Variants in LURAP1 observed in about 807,000 individuals in gnomAD.
LURAP1 encodes the protein NF-kappa-B activator C1orf190.
Under a neutral mutation model 19.0 loss-of-function variants are expected in LURAP1, and 14 were observed. The observed-to-expected ratio is 0.74, with a 90% CI of 0.49 to 1.15. The LOEUF (loss-of-function observed/expected upper bound fraction) is 1.15. Among genes scored for constraint, LURAP1 ranks in the 50% most tolerant of loss-of-function variants. The pLI is 0.00. For synonymous variants in LURAP1, 129 were observed against 131.8 expected (o/e 0.98, Z 0.14); for missense variants, 273 against 309.1 (o/e 0.88, Z 0.87).
At chr1:46,209,537 CTTTTTTT>C (rs55948355) in intron 1 of LURAP1, among the ~76,000 whole-genome samples, 1 of 139,822 alleles carries the variant, frequency 7.2e-6, no homozygotes, top group Non-Finnish European at 1.5e-5. Context: ...TTGTTGTTTT[CTTTTTTT>C]TTTTCTTTTT....
chr1:46,214,867 C>CAAAAAAAAAAAA (rs5773905), intron 1 of LURAP1, among the ~76,000 whole-genome samples: 1 of 89,546 alleles, frequency 1.1e-5, no homozygotes, highest in Non-Finnish European at 2.0e-5. Context: ...GACTCCATCT[C>CAAAAAAAAAAAA]AAAAAAAAAA....
At chr1:46,210,865 C>T (rs1658873107) in intron 1 of LURAP1, among the ~76,000 whole-genome samples, 1 of 151,964 alleles carries the variant, frequency 6.6e-6, no homozygotes, top group Non-Finnish European at 1.5e-5. Flanking sequence ...GCCTGTACTT[C>T]TCTGGCTCAA....
intron 1 of LURAP1, among the ~76,000 whole-genome samples, chr1:46,205,223 A>G (rs1219106967): frequency 6.6e-6 from 1 of 151,978 alleles, no homozygotes; most frequent in Non-Finnish European, 1.5e-5. Flanking sequence ...GCACCACTGC[A>G]CTCCAGCCTG....
At position 46,203,447 on chromosome 1, in the gene LURAP1, C is replaced by T. The variant is rs1270661872; in HGVS notation, c.21C>T (p.Ser7=). The change falls in exon 1 of 2, where the codon TCC becomes TCT. Residue 7 remains serine (S), a synonymous_variant. Transcript: ENST00000371980. The part of the protein sequence containing the change: MEGTVE[S]QTPDLRDVEG... ...CCCGCATGGAGGGGACCGTGGAGTC[C>T]CAGACGCCTGACCTGCGGGATGTGG... 1 of 1,488,804 alleles carries T rather than the reference C, an allele frequency of 6.7e-7. No homozygotes were observed. Among genetic ancestry groups the T allele is most frequent in the Non-Finnish European group, 8.9e-7 (1 of 1,119,738 alleles). 92.2% of individuals were successfully genotyped at this position (1,488,804 alleles called of 1,614,324 possible).
rs551623358 is a variant in LURAP1, at chr1:46,220,422, C to CTCTT, written c.*220_*223dup. The CTCTT allele has an allele frequency of 5.3e-3, 3,026 of 570,214 alleles. 9 individuals carry two copies. Among genetic ancestry groups the CTCTT allele is most frequent in the Non-Finnish European group, 7.6e-3 (2,503 of 330,468 alleles). The allele number at this position is 570,214 out of a possible 1,614,324, so 35.3% of individuals were successfully genotyped here. On this transcript the variant is annotated 3_prime_UTR_variant, in exon 2 of 2. Transcript: ENST00000371980. ...TTATTGGGTCCCTAGAGCTAGCTTG[C>CTCTT]TCTTTCTTTCTTTCTTTCTTTTTTT...
intron 1 of LURAP1, among the ~76,000 whole-genome samples, chr1:46,216,075 G>A (rs1460824485): frequency 8.9e-6 from 1 of 112,132 alleles, no homozygotes; most frequent in Non-Finnish European, 1.7e-5. Flanking sequence ...TTGTGACGGA[G>A]TCTCGCTGTT....
At chr1:46,213,112 CATAT>C (rs1658954588) in intron 1 of LURAP1, among the ~76,000 whole-genome samples, 1 of 151,896 alleles carries the variant, frequency 6.6e-6, no homozygotes, top group Non-Finnish European at 1.5e-5. Context: ...TATATATGCA[CATAT>C]ATATAAACAT....
chr1:46,219,532 G>A (rs1659166927), intron 1 of LURAP1, among the ~76,000 whole-genome samples, 167 bp from the exon 2 acceptor site: 1 of 152,180 alleles, frequency 6.6e-6, no homozygotes, highest in East Asian at 1.9e-4. Context: ...GAGCTGAAAT[G>A]TTAGGCAGCA....
Position 46,220,228 on chromosome 1 carries a change from T to C in LURAP1, c.*8T>C. ...GATGTGACCTTCTTGTAACAACTATTCCACCCTTTTGTAATCCTGTGGCTC... is the reference window on the plus strand; with the variant it reads ...GATGTGACCTTCTTGTAACAACTATCCCACCCTTTTGTAATCCTGTGGCTC... On this transcript the variant is annotated 3_prime_UTR_variant, in exon 2 of 2. Transcript: ENST00000371980. 1 of 1,592,148 alleles carries C rather than the reference T, an allele frequency of 6.3e-7. No individual in the cohort carries two copies. Among genetic ancestry groups the C allele is most frequent in the Non-Finnish European group, 8.6e-7 (1 of 1,168,224 alleles).
At position 46,220,661 on chromosome 1, in the gene LURAP1, A is replaced by T. The variant is rs1571694954; in HGVS notation, c.*441A>T. ...TCCCTGTGTTGCCCAGGCTGGTCTC[A>T]AACTCCTGGGCTCAAGGGATCCTCC... On this transcript the variant is annotated 3_prime_UTR_variant, in exon 2 of 2. Transcript: ENST00000371980. 1.3e-5 allele frequency: 2 copies of T among 154,230 alleles called. No individual in the cohort carries two copies. The highest frequency in any genetic ancestry group is 4.9e-5 in the African/African-American group (2 of 41,210). The allele number at this position is 154,230 out of a possible 1,614,324, so 9.6% of individuals were successfully genotyped here.
chr1:46,206,274 G>C lies in LURAP1; in HGVS notation c.198+2650G>C, dbSNP rs138604639. Among the ~76,000 whole-genome samples the C allele has an allele frequency of 4.0e-4, 60 of 150,844 alleles. No homozygotes were observed. In the East Asian group the frequency reaches 0.011, roughly 28 times the overall value. On this transcript the variant is annotated intron_variant, in intron 1 of 1. Transcript: ENST00000371980. Reference sequence around the variant, plus strand: ...TCAGTTTTTCCTCCTTTTGGTGGAGGGGGTAGAGGGAGATGGGGACTGTGA... The same window carrying C: ...TCAGTTTTTCCTCCTTTTGGTGGAGCGGGTAGAGGGAGATGGGGACTGTGA...
At chr1:46,210,830 A>G (rs1459859335) in intron 1 of LURAP1, among the ~76,000 whole-genome samples, 1 of 152,090 alleles carries the variant, frequency 6.6e-6, no homozygotes, top group Non-Finnish European at 1.5e-5. Context: ...GTTGGAGTAC[A>G]GTGGCTCAAT....
chr1:46,215,891 C>A (rs1557686476), intron 1 of LURAP1, among the ~76,000 whole-genome samples: 1 of 151,998 alleles, frequency 6.6e-6, no homozygotes, highest in Non-Finnish European at 1.5e-5. Context: ...TAGAGTAAGA[C>A]CCTGTCTCAA....
chr1:46,207,607 C>T (rs932380178), intron 1 of LURAP1, among the ~76,000 whole-genome samples: 6 of 151,386 alleles, frequency 4.0e-5, no homozygotes, highest in Admixed American at 6.6e-5. Flanking sequence ...GGTGCGATCT[C>T]GGCTCACTGC....
chr1:46,208,369 T>C (rs927149785), intron 1 of LURAP1, among the ~76,000 whole-genome samples: 62 of 152,168 alleles, frequency 4.1e-4, no homozygotes, highest in Non-Finnish European at 2.6e-4. Context: ...AGGTAAGAAA[T>C]GATGCCTTTT....
chr1:46,212,184 T>A (rs1041932435), intron 1 of LURAP1, among the ~76,000 whole-genome samples: 2 of 152,214 alleles, frequency 1.3e-5, no homozygotes, highest in Admixed American at 1.3e-4. Flanking sequence ...TGTGTTTGTG[T>A]GACCTGCGGG....
intron 1 of LURAP1, among the ~76,000 whole-genome samples, chr1:46,213,433 C>G (rs1658966681): frequency 6.6e-6 from 1 of 151,082 alleles, no homozygotes; most frequent in Admixed American, 6.7e-5. Context: ...GTAAAACCTC[C>G]TGCTGGTGTA....
At chr1:46,214,716 A>G (rs1659010002) in intron 1 of LURAP1, among the ~76,000 whole-genome samples, 1 of 151,952 alleles carries the variant, frequency 6.6e-6, no homozygotes, top group Non-Finnish European at 1.5e-5. Context: ...AAATACAAAA[A>G]TCAGCCAGAT....
In LURAP1 at chr1:46,220,472, C is replaced by T; in HGVS notation, c.*252C>T. The T allele has an allele frequency of 2.3e-6, 1 of 436,378 alleles. No individual in the cohort carries two copies. Among genetic ancestry groups the T allele is most frequent in the Non-Finnish European group, 4.1e-6 (1 of 244,372 alleles). The allele number at this position is 436,378 out of a possible 1,614,324, so 27.0% of individuals were successfully genotyped here. ...TGAGACAGGGTCTTATGCTGTTACC[C>T]AAGATAGAGAGCAGTGGCATGATCA... On this transcript the variant is annotated 3_prime_UTR_variant, in exon 2 of 2. Coordinates refer to ENST00000371980, the MANE Select transcript of LURAP1 (RefSeq NM_001013615.3).
Sources: gnomAD v4.1 joint callset for allele counts (sites outside exome capture counted in the v4.1 genomes callset) on GRCh38, gnomAD v4.1.1 for gene constraint, MANE v1.5 for transcripts, NCBI Gene and HGNC (gene_info 2026-07-23, HGNC 2026-07-21) for gene names.